Variants in SUGCT observed in about 807,000 individuals in gnomAD.
SUGCT encodes succinyl-CoA:glutarate-CoA transferase.
A neutral mutation model predicts 55.0 loss-of-function variants in SUGCT; 41 were observed. That is an observed-to-expected ratio of 0.74 (90% CI 0.58 to 0.97). The LOEUF is 0.97. SUGCT is among the 50% of genes least tolerant of loss of function. SUGCT has a pLI of 0.00. For synonymous variants in SUGCT, 187 were observed against 200.4 expected (o/e 0.93, Z 0.56); for missense variants, 568 against 547.8 (o/e 1.04, Z -0.37).
intron 11 of SUGCT, among the ~76,000 whole-genome samples, chr7:40,472,736 C>T (rs949181544): frequency 1.3e-5 from 2 of 151,974 alleles, no homozygotes; most frequent in African/African-American, 2.4e-5. Flanking sequence ...AGCCTTTTGT[C>T]GTTGAGAGCC....
In SUGCT at chr7:40,733,224, G is replaced by A. The variant is rs116502420; in HGVS notation, c.1090-16210G>A. 9.3e-3 allele frequency among the ~76,000 whole-genome samples: 1,407 copies of A among 152,086 alleles called. 15 individuals carry two copies. Among genetic ancestry groups the A allele is most frequent in the African/African-American group, 0.032 (1,322 of 41,410 alleles). ...CTCTACCCCTCTGCCCCACACTCCA[G>A]CTAGAGTAAGCCAGAATTATATATA... On this transcript the variant is annotated intron_variant, in intron 12 of 13. Coordinates refer to ENST00000335693, the MANE Select transcript of SUGCT (RefSeq NM_001193313.2).
intron 12 of SUGCT, among the ~76,000 whole-genome samples, chr7:40,566,021 ACACG>A (rs1350451595): frequency 1.4e-5 from 2 of 144,612 alleles, no homozygotes; most frequent in East Asian, 4.2e-4. Flanking sequence ...ACACACACAC[ACACG>A]AATATAAGCT....
chr7:40,760,452 C>T (rs1404636438), intron 13 of SUGCT, among the ~76,000 whole-genome samples: 3 of 151,748 alleles, frequency 2.0e-5, no homozygotes, highest in Non-Finnish European at 4.4e-5. Context: ...AGGGGTATGG[C>T]CAGTTAGTGT....
the SUGCT span, among the ~76,000 whole-genome samples, chr7:40,945,219 G>T: frequency 0.32 from 49,277 of 151,808 alleles, 8,824 homozygotes; most frequent in Admixed American, 0.44. Flanking sequence ...GGTCTTTTTA[G>T]GGGGAAAGGA....
At chr7:40,655,043 A>G (rs1298383917) in intron 12 of SUGCT, among the ~76,000 whole-genome samples, 1 of 152,300 alleles carries the variant, frequency 6.6e-6, no homozygotes, top group African/African-American at 2.4e-5. Flanking sequence ...ATTATAGGCA[A>G]TATCACTTTT....
At chr7:40,954,298 G>C in the SUGCT span, among the ~76,000 whole-genome samples, 1 of 152,188 alleles carries the variant, frequency 6.6e-6, no homozygotes, top group Non-Finnish European at 1.5e-5. Context: ...AAGACCATTG[G>C]AAAAGCACCA....
At chr7:40,907,190 G>T in the SUGCT span, among the ~76,000 whole-genome samples, 1 of 151,274 alleles carries the variant, frequency 6.6e-6, no homozygotes, top group Admixed American at 6.6e-5. Flanking sequence ...TTGGGTTTCT[G>T]CCTCAGAATC....
chr7:40,728,010 C>A (rs1378540531), intron 12 of SUGCT, among the ~76,000 whole-genome samples: 1 of 152,002 alleles, frequency 6.6e-6, no homozygotes, highest in Non-Finnish European at 1.5e-5. Context: ...TACAAGTATT[C>A]TGAGATGAGC....
intron 12 of SUGCT, among the ~76,000 whole-genome samples, chr7:40,551,884 C>T (rs1795316336): frequency 6.6e-6 from 1 of 152,198 alleles, no homozygotes; most frequent in Admixed American, 6.5e-5. Flanking sequence ...AAGGAGCTTT[C>T]ACAGGTCAGC....
intron 6 of SUGCT, among the ~76,000 whole-genome samples, chr7:40,220,141 T>C (rs1281136706): frequency 6.6e-6 from 1 of 152,216 alleles, no homozygotes; most frequent in African/African-American, 2.4e-5. Flanking sequence ...TGATGTTATC[T>C]TCCCTTTAAA....
intron 13 of SUGCT, among the ~76,000 whole-genome samples, chr7:40,754,558 A>G (rs1339832028): frequency 6.6e-6 from 1 of 152,200 alleles, no homozygotes. Context: ...GGAAACAGGC[A>G]TGAACAATGA....
In SUGCT at chr7:40,782,255, A is replaced by G. The variant is rs569306721; in HGVS notation, c.1153+32758A>G. On this transcript the variant is annotated intron_variant, in intron 13 of 13. Transcript: ENST00000335693. Reference sequence around the variant, plus strand: ...TTAATGCTCTACACAGTCATATTATATTCTGTTTATCCTTATTATTACATA... The same window carrying G: ...TTAATGCTCTACACAGTCATATTATGTTCTGTTTATCCTTATTATTACATA... 3.3e-4 allele frequency among the ~76,000 whole-genome samples: 50 copies of G among 152,172 alleles called. 1 individual carries two copies. Among genetic ancestry groups the G allele is most frequent in the African/African-American group, 1.1e-3 (44 of 41,560 alleles).
intron 9 of SUGCT, among the ~76,000 whole-genome samples, chr7:40,393,768 G>C (rs564420732): frequency 5.4e-4 from 82 of 152,292 alleles, no homozygotes; most frequent in Non-Finnish European, 9.3e-4. Context: ...GAATGAAGAT[G>C]GTTGTACTTT....
At chr7:40,169,884 A>G (rs1784593738) in intron 1 of SUGCT, among the ~76,000 whole-genome samples, 1 of 152,156 alleles carries the variant, frequency 6.6e-6, no homozygotes, top group Non-Finnish European at 1.5e-5. Context: ...TAATGTCTGC[A>G]ACTGACTGAG....
At chr7:40,682,240 T>G (rs1424292671) in intron 12 of SUGCT, among the ~76,000 whole-genome samples, 1 of 152,192 alleles carries the variant, frequency 6.6e-6, no homozygotes, top group Admixed American at 6.5e-5. Flanking sequence ...GTGTCCCTTC[T>G]CCCATTCCCC....
In SUGCT at chr7:40,390,729, A is replaced by G. The variant is rs576837939; in HGVS notation, c.817-58558A>G. 1.5e-4 allele frequency among the ~76,000 whole-genome samples: 23 copies of G among 152,330 alleles called. No individual in the cohort carries two copies. In the East Asian group the frequency reaches 3.1e-3, roughly 20 times the overall value. The stretch of plus-strand genomic sequence containing the variant: ...CTGCCCAAGGTAATTTACAGATTCA[A>G]TGCCATCCCCATCAAGCTACCAATG... On this transcript the variant is annotated intron_variant, in intron 9 of 13. Transcript: ENST00000335693.
the SUGCT span, among the ~76,000 whole-genome samples, chr7:40,953,286 A>G: frequency 2.6e-5 from 4 of 152,136 alleles, no homozygotes; most frequent in East Asian, 1.9e-4. Context: ...TTCTCGTGCC[A>G]TGGTTTTCAG....
chr7:40,600,890 A>AG (rs1202428271), intron 12 of SUGCT, among the ~76,000 whole-genome samples: 1 of 151,856 alleles, frequency 6.6e-6, no homozygotes, highest in Non-Finnish European at 1.5e-5. Flanking sequence ...GATATGGGGG[A>AG]GGGGGCAGTT....
chr7:40,321,062 T>C (rs1334033633), intron 9 of SUGCT, among the ~76,000 whole-genome samples: 6 of 147,992 alleles, frequency 4.1e-5, no homozygotes. Flanking sequence ...TTCTTTTCTT[T>C]TTTCTTTCTT....
Sources: allele counts gnomAD v4.1 joint callset (sites outside exome capture counted in the v4.1 genomes callset), GRCh38; gene constraint gnomAD v4.1.1; transcripts MANE v1.5; gene names NCBI Gene and HGNC (gene_info 2026-07-23, HGNC 2026-07-21).